The following PLSCR2 variants were observed in gnomAD, a reference collection of about 807,000 sequenced individuals.
The protein encoded by PLSCR2 is PL scramblase 2.
PLSCR2 carries 18 observed loss-of-function variants against 25.3 expected under a neutral mutation model. That is an observed-to-expected ratio of 0.71 (90% CI 0.49 to 1.06). PLSCR2 has a LOEUF of 1.06. PLSCR2 is among the 50% of genes least tolerant of loss of function. The probability of loss-of-function intolerance (pLI) is 0.00; values close to 1 mark genes in which losing one functional copy is unlikely to be tolerated. For synonymous variants in PLSCR2, 88 were observed against 87.3 expected, an observed-to-expected ratio of 1.01 and a Z score of -0.04; for missense variants, 243 against 269.5, an observed-to-expected ratio of 0.90 and a Z score of 0.69.
intron 1 of PLSCR2, chr3:146,469,193 A>T (rs2042002554): frequency 1.0e-6 from 1 of 985,430 alleles, no homozygotes. Context: ...GACTCTGCCC[A>T]GGATTCAGGG....
chr3:146,484,432 G>A (rs2043268530), intron 1 of PLSCR2, among the ~76,000 whole-genome samples: 1 of 151,828 alleles, frequency 6.6e-6, no homozygotes, highest in African/African-American at 2.4e-5. Flanking sequence ...TTTGGCAAAT[G>A]CAGAGAACAC....
intron 2 of PLSCR2, among the ~76,000 whole-genome samples, chr3:146,424,714 C>T (rs1053539027): frequency 3.3e-5 from 5 of 151,942 alleles, no homozygotes; most frequent in African/African-American, 7.3e-5. Flanking sequence ...GAGTAGTGTG[C>T]GAAAATCTTG....
intron 2 of PLSCR2, among the ~76,000 whole-genome samples, chr3:146,424,046 A>G (rs1162959213): frequency 6.6e-6 from 1 of 151,860 alleles, no homozygotes; most frequent in Admixed American, 6.6e-5. Context: ...TGATGGGTTG[A>G]TGGGTGCAGC....
At chr3:146,402,709 C>T (rs4681319) in intron 2 of PLSCR2, among the ~76,000 whole-genome samples, 79,712 of 151,874 alleles carry the variant, frequency 0.52, 21,181 homozygotes, top group South Asian at 0.71. Flanking sequence ...ACCTAATGAT[C>T]GGCCCACCTC....
intron 1 of PLSCR2, among the ~76,000 whole-genome samples, chr3:146,479,890 C>T (rs1008977026): frequency 3.5e-4 from 54 of 152,210 alleles, no homozygotes; most frequent in African/African-American, 1.2e-3. Context: ...AACTGTCTCT[C>T]AGACCACAGT....
chr3:146,427,593 C>A (rs2039399617), intron 2 of PLSCR2, among the ~76,000 whole-genome samples: 1 of 152,204 alleles, frequency 6.6e-6, no homozygotes, highest in South Asian at 2.1e-4. Flanking sequence ...TTGCAGAGGA[C>A]CGATGTGAAC....
At chr3:146,429,354 C>T (rs1559985851), downstream of PLSCR2, among the ~76,000 whole-genome samples, 1 of 152,176 alleles carries the variant, frequency 6.6e-6, no homozygotes, top group Non-Finnish European at 1.5e-5. Context: ...GAAATGCAAA[C>T]AGCGAAGGTC....
chr3:146,455,568 CA>C, intron 3 of PLSCR2, 109 bp from the exon 4 acceptor site: 1 of 676,086 alleles, frequency 1.5e-6, no homozygotes, highest in Non-Finnish European at 2.5e-6. Flanking sequence ...ATAGAAAGAA[CA>C]AAAAGGAATG....
intron 6 of PLSCR2, among the ~76,000 whole-genome samples, chr3:146,448,489 T>C (rs2040694948): frequency 6.6e-6 from 1 of 152,178 alleles, no homozygotes; most frequent in Non-Finnish European, 1.5e-5. Flanking sequence ...GAGATTTTGG[T>C]TTAATAAATT....
intron 1 of PLSCR2, chr3:146,495,791 T>A: frequency 1.2e-6 from 1 of 839,492 alleles, no homozygotes; most frequent in Non-Finnish European, 1.9e-6. Context: ...CATTAGGTAG[T>A]TCGTGAATAG....
chr3:146,489,001 G>A (rs1224015784), intron 1 of PLSCR2, among the ~76,000 whole-genome samples: 2 of 152,120 alleles, frequency 1.3e-5, no homozygotes, highest in Non-Finnish European at 2.9e-5. Flanking sequence ...AAAGGAATGA[G>A]ATCATGTCCT....
downstream of PLSCR2, among the ~76,000 whole-genome samples, chr3:146,432,566 A>G (rs912816239): frequency 2.0e-5 from 3 of 152,200 alleles, no homozygotes; most frequent in African/African-American, 7.2e-5. Context: ...AAATTCCTGC[A>G]GTGGTAAGGT....
intron 2 of PLSCR2, among the ~76,000 whole-genome samples, chr3:146,420,586 T>G (rs1187459656): frequency 6.6e-6 from 1 of 152,080 alleles, no homozygotes; most frequent in African/African-American, 2.4e-5. Context: ...TCTCAAAGAA[T>G]CTCAACTTTA....
chr3:146,442,364 A>C (rs1234123733), intron 6 of PLSCR2, among the ~76,000 whole-genome samples: 1 of 152,098 alleles, frequency 6.6e-6, no homozygotes, highest in Non-Finnish European at 1.5e-5. Context: ...AATAATTAAT[A>C]TTGCCAAGAT....
At chr3:146,477,207 G>A (rs1324076930) in intron 1 of PLSCR2, among the ~76,000 whole-genome samples, 2 of 152,204 alleles carry the variant, frequency 1.3e-5, no homozygotes, top group Non-Finnish European at 2.9e-5. Context: ...TCAACTGAGG[G>A]ACCTGGTTCA....
At chr3:146,446,699 G>A (rs2040573513) in intron 6 of PLSCR2, among the ~76,000 whole-genome samples, 1 of 152,112 alleles carries the variant, frequency 6.6e-6, no homozygotes. Flanking sequence ...CTCTACTATT[G>A]GCAAGTGTCA....
chr3:146,422,937 A>C (rs1222513511), intron 2 of PLSCR2, among the ~76,000 whole-genome samples: 2 of 152,104 alleles, frequency 1.3e-5, no homozygotes, highest in African/African-American at 2.4e-5. Flanking sequence ...ACTGCCACAA[A>C]TGAAGCCAAA....
intron 2 of PLSCR2, among the ~76,000 whole-genome samples, chr3:146,401,910 C>A (rs2038484364): frequency 6.6e-6 from 1 of 151,604 alleles, no homozygotes; most frequent in African/African-American, 2.4e-5. Flanking sequence ...GAACTCCATT[C>A]TGGATAGTAG....
At chr3:146,408,855 T>A (rs2038745805) in intron 2 of PLSCR2, among the ~76,000 whole-genome samples, 1 of 152,042 alleles carries the variant, frequency 6.6e-6, no homozygotes, top group African/African-American at 2.4e-5. Flanking sequence ...CATCTAAAGC[T>A]CTCCTTCCAC....
Sources: gnomAD v4.1 joint callset for allele counts (sites outside exome capture counted in the v4.1 genomes callset) on GRCh38, gnomAD v4.1.1 for gene constraint, MANE v1.5 for transcripts, NCBI Gene and HGNC (gene_info 2026-07-23, HGNC 2026-07-21) for gene names.